Variants in FAAH2 observed in about 807,000 individuals in gnomAD.
The protein encoded by FAAH2 is fatty acid amide hydrolase 2.
FAAH2 carries 60 observed loss-of-function variants against 36.9 expected under a neutral mutation model. The observed-to-expected ratio is 1.63, with a 90% CI of 1.32 to 2.02. FAAH2 has a LOEUF of 2.02. Ranked by LOEUF, FAAH2 falls within the 30% of genes most tolerant of loss-of-function variation. FAAH2 has a pLI of 0.00. For synonymous variants in FAAH2, 214 were observed against 143.8 expected, an observed-to-expected ratio of 1.49 and a Z score of -3.49; for missense variants, 689 against 397.5, an observed-to-expected ratio of 1.73 and a Z score of -6.23.
At chrX:57,135,957 A>G in the FAAH2 span, 2 of 1,209,811 alleles carry the variant, frequency 1.7e-6, no homozygotes, top group South Asian at 1.8e-5. Flanking sequence ...GGTATATTCC[A>G]CATGCTTACC....
intron 3 of FAAH2, among the ~76,000 whole-genome samples, chrX:57,320,464 A>G (rs1602261131): frequency 8.9e-6 from 1 of 112,560 alleles, no homozygotes; most frequent in Non-Finnish European, 1.9e-5. Flanking sequence ...CAAAACCACA[A>G]TGAGATACCA....
intron 7 of FAAH2, among the ~76,000 whole-genome samples, chrX:57,416,443 G>A (rs2055844869): frequency 9.0e-6 from 1 of 111,293 alleles, no homozygotes; most frequent in Non-Finnish European, 1.9e-5. Context: ...AAATCTCTCA[G>A]TATTTGCTTC....
chrX:57,377,225 C>T (rs940044311), intron 5 of FAAH2, among the ~76,000 whole-genome samples: 3 of 111,939 alleles, frequency 2.7e-5, no homozygotes, highest in Non-Finnish European at 5.6e-5. Context: ...TTTGCCCATG[C>T]CTATGTCCTG....
the FAAH2 span, among the ~76,000 whole-genome samples, chrX:57,177,397 C>A: frequency 9.4e-6 from 1 of 105,901 alleles, no homozygotes; most frequent in Non-Finnish European, 1.9e-5. Flanking sequence ...GGCACTCCTC[C>A]TGTGGGGATG....
upstream of FAAH2, among the ~76,000 whole-genome samples, chrX:57,284,574 A>G (rs1437897036): frequency 1.8e-5 from 2 of 112,140 alleles, no homozygotes; most frequent in Non-Finnish European, 3.8e-5. Context: ...TTGCACTTTT[A>G]AAAAGAGAAA....
chrX:57,164,556 G>A, the FAAH2 span, among the ~76,000 whole-genome samples: 2 of 112,037 alleles, frequency 1.8e-5, no homozygotes, highest in Admixed American at 1.9e-4. Flanking sequence ...AAGTGTAAAG[G>A]AGGCTGGTCC....
chrX:57,392,761 C>T (rs1450265920), intron 7 of FAAH2: 4 of 613,595 alleles, frequency 6.5e-6, no homozygotes, highest in Admixed American at 2.2e-5. Flanking sequence ...AAACCAGCCC[C>T]GATGCTGGCA....
At chrX:57,481,860 C>T (rs1395077544) in intron 10 of FAAH2, among the ~76,000 whole-genome samples, 1 of 112,032 alleles carries the variant, frequency 8.9e-6, no homozygotes, top group African/African-American at 3.2e-5. Flanking sequence ...CCCACAGCTA[C>T]CCCTTCCCCC....
At position 57,294,350 on chromosome X, in the gene FAAH2, T is replaced by TAGCTTTGTCTTTCTTTGGCTTCC. The variant is rs2052070551; in HGVS notation, c.275+1779_275+1801dup. On this transcript the variant is annotated intron_variant, in intron 2 of 10. Transcript: ENST00000374900. ...TGTGAACTTTAATTATGCTGGCTTC[T>TAGCTTTGTCTTTCTTTGGCTTCC]AGCTTTGTCTTTCTTTGGCTTCCAG... 1.1e-4 allele frequency among the ~76,000 whole-genome samples: 12 copies of TAGCTTTGTCTTTCTTTGGCTTCC among 112,368 alleles called. No individual in the cohort carries two copies. The Admixed American group carries it at 1.1e-3, about 11-fold the overall frequency.
At chrX:57,142,459 A>G in the FAAH2 span, among the ~76,000 whole-genome samples, 3 of 112,401 alleles carry the variant, frequency 2.7e-5, no homozygotes, top group Non-Finnish European at 5.6e-5. Context: ...CATTGTAGTT[A>G]GAAAAGATAC....
intron 7 of FAAH2, among the ~76,000 whole-genome samples, chrX:57,425,535 A>C (rs1459626269): frequency 8.9e-6 from 1 of 111,990 alleles, no homozygotes; most frequent in Non-Finnish European, 1.9e-5. Context: ...GAAACTTTAT[A>C]AGCCTGAAGA....
At chrX:57,369,079 A>T (rs1405004492) in intron 5 of FAAH2, among the ~76,000 whole-genome samples, 1 of 107,896 alleles carries the variant, frequency 9.3e-6, no homozygotes, top group African/African-American at 3.4e-5. Flanking sequence ...AACCAACGAA[A>T]TAAATAAGAC....
chrX:57,364,497 T>C (rs2054364804), intron 5 of FAAH2, among the ~76,000 whole-genome samples: 1 of 105,978 alleles, frequency 9.4e-6, no homozygotes. Context: ...TCTTGTCAAT[T>C]CTTCCAATGA....
the FAAH2 span, among the ~76,000 whole-genome samples, chrX:57,241,876 G>C: frequency 9.0e-6 from 1 of 111,267 alleles, no homozygotes; most frequent in Non-Finnish European, 1.9e-5. Context: ...GCTATGGCCA[G>C]ACTGCCTTAC....
chrX:57,433,584 C>A lies in FAAH2; in HGVS notation c.1116+1547C>A, dbSNP rs756059384. Among the ~76,000 whole-genome samples, 49 of 111,894 alleles carry A rather than the reference C, an allele frequency of 4.4e-4. 1 individual carries two copies. The highest frequency in any genetic ancestry group is 1.6e-3 in the African/African-American group (48 of 30,916). On this transcript the variant is annotated intron_variant, in intron 8 of 10. Transcript: ENST00000374900. ...GTTATGAAATCTGTAACTGAAGTATCCAACAGTTTAAACATTTATTATTTC... is the reference window on the plus strand; with the variant it reads ...GTTATGAAATCTGTAACTGAAGTATACAACAGTTTAAACATTTATTATTTC...
At chrX:57,274,789 A>T in the FAAH2 span, among the ~76,000 whole-genome samples, 1 of 111,866 alleles carries the variant, frequency 8.9e-6, no homozygotes, top group Non-Finnish European at 1.9e-5. Context: ...ACAAACCCAC[A>T]GCCAATATCA....
intron 10 of FAAH2, among the ~76,000 whole-genome samples, chrX:57,453,751 G>T (rs2056823264): frequency 8.9e-6 from 1 of 111,820 alleles, no homozygotes; most frequent in South Asian, 3.8e-4. Context: ...ACCTAGACAG[G>T]GGATTAAGTG....
At chrX:57,401,161 G>A (rs1217307544) in intron 7 of FAAH2, among the ~76,000 whole-genome samples, 1 of 111,320 alleles carries the variant, frequency 9.0e-6, no homozygotes, top group Non-Finnish European at 1.9e-5. Context: ...AAGACCACTT[G>A]GGTGGCTTGA....
At chrX:57,160,913 G>A in the FAAH2 span, among the ~76,000 whole-genome samples, 1 of 111,730 alleles carries the variant, frequency 9.0e-6, no homozygotes, top group African/African-American at 3.3e-5. Context: ...TTTTGAATGT[G>A]TTTGCTCTTG....
Sources: gnomAD v4.1 joint callset for allele counts (sites outside exome capture counted in the v4.1 genomes callset) on GRCh38, gnomAD v4.1.1 for gene constraint, MANE v1.5 for transcripts, NCBI Gene and HGNC (gene_info 2026-07-23, HGNC 2026-07-21) for gene names.